SIK2: variants seen among roughly 807,000 people sequenced by gnomAD.
SIK2 encodes serine/threonine-protein kinase SIK2.
A neutral mutation model predicts 103.2 loss-of-function variants in SIK2; 29 were observed. The ratio of observed to expected loss-of-function variants is 0.28; its 90% CI spans 0.21 to 0.38. The LOEUF is 0.38. Ranked by LOEUF, SIK2 falls within the 10% of genes least tolerant of loss-of-function variation. The pLI, the probability that SIK2 is intolerant of heterozygous loss-of-function variation, is 1.00. For missense variants in SIK2, 879 were observed against 1,171.0 expected, an observed-to-expected ratio of 0.75 and a Z score of 3.64; for synonymous variants, 412 against 446.1, an observed-to-expected ratio of 0.92 and a Z score of 0.96.
rs1944097139 is a variant in SIK2, at chr11:111,729,191, C to T, written c.*5062C>T. The T allele has an allele frequency of 6.6e-6, 1 of 152,172 alleles. No individual in the cohort carries two copies. Among genetic ancestry groups the T allele is most frequent in the Admixed American group, 6.5e-5 (1 of 15,280 alleles). 9.4% of individuals were successfully genotyped at this position (152,172 alleles called of 1,614,324 possible). ...TAGCTGATTCTAGAAGACAGCCATC[C>T]TACGTGCACCCCCACCTTGTGTCCA... On this transcript the variant is annotated 3_prime_UTR_variant, in exon 15 of 15. Transcript: ENST00000304987.
At chr11:111,711,742 G>C (rs1351096458) in intron 8 of SIK2, among the ~76,000 whole-genome samples, 2 of 152,198 alleles carry the variant, frequency 1.3e-5, no homozygotes, top group Non-Finnish European at 2.9e-5. Context: ...GGCGGGTAGG[G>C]CAGGCAGAGA....
rs190179954 is a variant in SIK2, at chr11:111,720,891, T to G, written c.1781-8T>G. On this transcript the variant is annotated splice_region_variant and splice_polypyrimidine_tract_variant and intron_variant, in intron 11 of 14. Transcript: ENST00000304987. ...GTTAAACTGTTTGGTCTTGGTGCTT[T>G]CTTTCAGGAATTGTAGCATTTAGAC... The G allele has an allele frequency of 2.5e-4, 404 of 1,613,058 alleles. No individual in the cohort carries two copies. The African/African-American group carries it at 4.5e-3, about 18-fold the overall frequency.
chr11:111,666,736 A>G (rs1942547481), intron 3 of SIK2, among the ~76,000 whole-genome samples: 1 of 152,182 alleles, frequency 6.6e-6, no homozygotes. Flanking sequence ...AAAATGTTTA[A>G]CCATCTGCAT....
chr11:111,633,509 G>GTAC (rs1478931124), intron 3 of SIK2, among the ~76,000 whole-genome samples: 1 of 152,238 alleles, frequency 6.6e-6, no homozygotes, highest in African/African-American at 2.4e-5. Flanking sequence ...GTAGTCTGAG[G>GTAC]TACTTCTTTG....
chr11:111,714,695 G>T (rs907868751), intron 9 of SIK2, among the ~76,000 whole-genome samples: 1 of 152,214 alleles, frequency 6.6e-6, no homozygotes, highest in Admixed American at 6.5e-5. Flanking sequence ...AGGCAGGGCA[G>T]ATTCAAGAAG....
At position 111,726,861 on chromosome 11, in the gene SIK2, G is replaced by T; in HGVS notation, c.*2732G>T. On this transcript the variant is annotated 3_prime_UTR_variant, in exon 15 of 15. Coordinates refer to ENST00000304987, the MANE Select transcript of SIK2 (RefSeq NM_015191.3). ...ATCACCCTGTAAACCAGGCTCCTCT[G>T]AAGAGACTTTGGTGAGATGAACGTG... is the stretch of plus-strand genomic sequence containing the variant. 2 of 1,031,518 alleles carry T rather than the reference G, an allele frequency of 1.9e-6. No individual in the cohort carries two copies. Among genetic ancestry groups the T allele is most frequent in the Non-Finnish European group, 2.9e-6 (2 of 680,420 alleles). The allele number at this position is 1,031,518 out of a possible 1,614,324, so 63.9% of individuals were successfully genotyped here.
At chr11:111,606,015 A>G (rs1028415457) in intron 1 of SIK2, among the ~76,000 whole-genome samples, 1 of 152,224 alleles carries the variant, frequency 6.6e-6, no homozygotes, top group Admixed American at 6.5e-5. Context: ...TAAAATTAGC[A>G]TAATGGGAAA....
intron 3 of SIK2, among the ~76,000 whole-genome samples, chr11:111,627,736 A>G (rs1008193831): frequency 6.6e-6 from 1 of 152,160 alleles, no homozygotes; most frequent in Non-Finnish European, 1.5e-5. Flanking sequence ...TTAACTTTAC[A>G]AGTATTCCTT....
At chr11:111,646,188 G>A (rs954771666) in intron 3 of SIK2, among the ~76,000 whole-genome samples, 1 of 152,168 alleles carries the variant, frequency 6.6e-6, no homozygotes, top group African/African-American at 2.4e-5. Flanking sequence ...GGTGGCTCAT[G>A]CCTGTAATCC....
chr11:111,631,570 G>A (rs551243466), intron 3 of SIK2, among the ~76,000 whole-genome samples: 2 of 152,240 alleles, frequency 1.3e-5, no homozygotes, highest in African/African-American at 4.8e-5. Context: ...CAACAAAAGG[G>A]CCTTATGAGC....
chr11:111,612,112 A>T (rs1261502235), intron 1 of SIK2, among the ~76,000 whole-genome samples: 2 of 152,200 alleles, frequency 1.3e-5, no homozygotes, highest in Non-Finnish European at 2.9e-5. Context: ...TGTGTAATGT[A>T]TTACTACAAG....
intron 1 of SIK2, among the ~76,000 whole-genome samples, chr11:111,615,095 TG>T (rs1411902808): frequency 6.6e-6 from 1 of 151,658 alleles, no homozygotes; most frequent in Non-Finnish European, 1.5e-5. Flanking sequence ...GCCAAGATCG[TG>T]CCACTGCACT....
At chr11:111,617,649 G>C (rs1941825080) in intron 2 of SIK2, among the ~76,000 whole-genome samples, 1 of 152,186 alleles carries the variant, frequency 6.6e-6, no homozygotes, top group Admixed American at 6.5e-5. Flanking sequence ...ACCAGTATGT[G>C]CATTCAAATA....
intron 3 of SIK2, chr11:111,672,084 C>G: frequency 2.0e-6 from 1 of 495,118 alleles, no homozygotes; most frequent in South Asian, 1.6e-5. Flanking sequence ...AGGCAAACTT[C>G]TTGTCAAGGG....
chr11:111,722,822 G>A lies in SIK2; in HGVS notation c.2147+66G>A, dbSNP rs1448798458. On this transcript the variant is annotated intron_variant, in intron 14 of 14. Transcript: ENST00000304987. The surrounding 1 kb of genome is among the most constrained non-coding windows in gnomAD (Gnocchi z 4.4). ...TGGAAGCCTTGAGAACACTGAATGT[G>A]TTGTCCTTTTCCTCTCACATTCGCC... 4 of 1,471,138 alleles carry A rather than the reference G, an allele frequency of 2.7e-6. No homozygotes were observed. The East Asian group carries it at 6.8e-5, about 25-fold the overall frequency. 91.1% of individuals were successfully genotyped at this position (1,471,138 alleles called of 1,614,324 possible).
rs973482873 is a variant in SIK2 at position 111,665,539 on chromosome 11, C to T, written c.317-22462C>T. Among the ~76,000 whole-genome samples, 5 of 151,964 alleles carry T rather than the reference C, an allele frequency of 3.3e-5. No individual in the cohort carries two copies. In the Middle Eastern group the frequency reaches 0.01, roughly 310 times the overall value. On this transcript the variant is annotated intron_variant, in intron 3 of 14. Transcript: ENST00000304987. ...AAGAAAAAAAAAGGAAAAGAAATATCGGGGCTGGGCGTGGTGGCTCACGCC... is the reference window on the plus strand; with the variant it reads ...AAGAAAAAAAAAGGAAAAGAAATATTGGGGCTGGGCGTGGTGGCTCACGCC...
At chr11:111,639,003 G>A (rs192995493) in intron 3 of SIK2, among the ~76,000 whole-genome samples, 5 of 152,244 alleles carry the variant, frequency 3.3e-5, no homozygotes, top group African/African-American at 1.2e-4. Context: ...TTATAGTTTG[G>A]CTTGATCTTT....
chr11:111,691,482 A>C (rs1229497173), intron 4 of SIK2, among the ~76,000 whole-genome samples: 1 of 152,208 alleles, frequency 6.6e-6, no homozygotes, highest in Non-Finnish European at 1.5e-5. Context: ...AATAAGTAGC[A>C]GACCTGGAAT....
chr11:111,677,223 A>T (rs907400540), intron 3 of SIK2, among the ~76,000 whole-genome samples: 2 of 152,102 alleles, frequency 1.3e-5, no homozygotes, highest in South Asian at 2.1e-4. Context: ...ATTATTGCCT[A>T]AAAAAACAGC....
Sources: gnomAD v4.1 joint callset for allele counts (sites outside exome capture counted in the v4.1 genomes callset) on GRCh38, gnomAD v4.1.1 for gene constraint, Gnocchi (gnomAD v3.1) non-coding constraint, MANE v1.5 for transcripts, NCBI Gene and HGNC (gene_info 2026-07-23, HGNC 2026-07-21) for gene names.